GCC2: variants seen among roughly 807,000 people sequenced by gnomAD.
The protein encoded by GCC2 is GRIP and coiled-coil domain containing 2.
A neutral mutation model predicts 210.6 loss-of-function variants in GCC2; 120 were observed. The ratio of observed to expected loss-of-function variants is 0.57; its 90% CI spans 0.49 to 0.66. GCC2 has a LOEUF of 0.66. Among genes scored for constraint, GCC2 ranks in the 30% least tolerant of loss-of-function variants. GCC2 has a pLI of 0.00. For synonymous variants in GCC2, 703 were observed against 652.7 expected, an observed-to-expected ratio of 1.08 and a Z score of -1.17; for missense variants, 1,868 against 1,871.9, an observed-to-expected ratio of 1.00 and a Z score of 0.04.
chr2:108,471,925 A>T lies in GCC2; in HGVS notation c.2596A>T (p.Asn866Tyr), dbSNP rs567813236. ...ALQSDLLEMK[N>Y]ANEKTRLENQ... Reference sequence around the variant, plus strand: ...GCAGTCTGATCTTCTAGAAATGAAGAATGCTAATGAAAAAACAAGGCTTGA... The same window carrying T: ...GCAGTCTGATCTTCTAGAAATGAAGTATGCTAATGAAAAAACAAGGCTTGA... The change falls in exon 6 of 23, where the codon AAT (asparagine) becomes TAT (tyrosine). Residue 866 changes from asparagine (N) to tyrosine (Y), a missense_variant. Asn to Tyr is a moderately radical substitution (Grantham distance 143). Transcript: ENST00000309863. The T allele has an allele frequency of 6.2e-7, 1 of 1,601,682 alleles. No individual in the cohort carries two copies. The highest frequency in any genetic ancestry group is 1.8e-5 in the Admixed American group (1 of 56,720).
At chr2:108,451,913 G>A (rs1205154024) in intron 3 of GCC2, among the ~76,000 whole-genome samples, 3 of 146,864 alleles carry the variant, frequency 2.0e-5, no homozygotes, top group South Asian at 2.1e-4. Flanking sequence ...GCGCAATCTC[G>A]GCTTACTGCA....
intron 9 of GCC2, among the ~76,000 whole-genome samples, chr2:108,477,282 A>AAG (rs1681592418): frequency 6.6e-6 from 1 of 152,212 alleles, no homozygotes; most frequent in African/African-American, 2.4e-5. Flanking sequence ...GAAGAGATAG[A>AAG]TACTTCTGCA....
chr2:108,487,160 A>G (rs1320821914), intron 16 of GCC2, among the ~76,000 whole-genome samples: 1 of 152,220 alleles, frequency 6.6e-6, no homozygotes, highest in Non-Finnish European at 1.5e-5. Context: ...TGAAAACTGA[A>G]GTTCAAATAA....
chr2:108,484,312 G>T lies in GCC2; in HGVS notation c.3613+1G>T. ...CAAGAAACCCTACAAGAAGAAATAA[G>T]TGAGTTAAAGAAAATTCACTTTACT... On this transcript the variant is annotated splice_donor_variant, in intron 13 of 22. Coordinates refer to ENST00000309863, the MANE Select transcript of GCC2 (RefSeq NM_181453.4). LOFTEE classifies it high-confidence loss of function. The T allele has an allele frequency of 1.4e-6, 2 of 1,451,998 alleles. No individual in the cohort carries two copies. Among genetic ancestry groups the T allele is most frequent in the Non-Finnish European group, 9.3e-7 (1 of 1,071,678 alleles). The allele number at this position is 1,451,998 out of a possible 1,614,324, so 89.9% of individuals were successfully genotyped here.
intron 4 of GCC2, among the ~76,000 whole-genome samples, chr2:108,465,625 GAAT>G (rs1166660077): frequency 2.6e-5 from 4 of 152,090 alleles, no homozygotes; most frequent in Non-Finnish European, 5.9e-5. Context: ...ACTTCACTTA[GAAT>G]AATGGCCTCT....
chr2:108,482,219 C>T, intron 10 of GCC2, 68 bp from the exon 11 acceptor site: 3 of 846,156 alleles, frequency 3.5e-6, no homozygotes, highest in East Asian at 2.5e-5. Context: ...ATTAATGTAC[C>T]TGTTCATTCT....
chr2:108,483,197 G>A lies in GCC2; in HGVS notation c.3450+31G>A, dbSNP rs763821721. 6 of 1,011,200 alleles carry A rather than the reference G, an allele frequency of 5.9e-6. No individual in the cohort carries two copies. The Admixed American group carries it at 9.0e-5, about 15-fold the overall frequency. The allele number at this position is 1,011,200 out of a possible 1,614,324, so 62.6% of individuals were successfully genotyped here. ...ATAAAACACTAGGATCAAAATTGAT[G>A]TAATATTCACATTGTTCTGTTTTGT... On this transcript the variant is annotated intron_variant, in intron 12 of 22. Transcript: ENST00000309863.
intron 4 of GCC2, among the ~76,000 whole-genome samples, chr2:108,459,780 C>CTTTTTTTTTTTTTTTTTTTTTTGTT (rs1390752121): frequency 2.6e-5 from 1 of 38,686 alleles, no homozygotes; most frequent in Non-Finnish European, 5.0e-5. Context: ...TTTTTTTTTA[C>CTTTTTTTTTTTTTTTTTTTTTTGTT]TATTTTTGAC....
Position 108,471,068 on chromosome 2 carries a change from C to A in GCC2, c.1739C>A (p.Thr580Asn), listed in dbSNP as rs1222504208. 6 of 1,581,212 alleles carry A rather than the reference C, an allele frequency of 3.8e-6. No homozygotes were observed. Among genetic ancestry groups the A allele is most frequent in the African/African-American group, 1.4e-5 (1 of 73,804 alleles). Residue 580 changes from threonine to asparagine, a missense_variant, in exon 6 of 23, where the codon ACC (threonine) becomes AAC (asparagine). Physicochemically the swap from Thr to Asn is moderately conservative, Grantham distance 65. Coordinates refer to ENST00000309863, the MANE Select transcript of GCC2 (RefSeq NM_181453.4). ...TTACTTAGTCTCAGTCAAAGAGATACCATGTTAAAAGAATTAGAAGGAAAG... is the reference window on the plus strand; with the variant it reads ...TTACTTAGTCTCAGTCAAAGAGATAACATGTTAAAAGAATTAGAAGGAAAG... The part of the protein sequence containing the change: ...VYLLSLSQRD[T>N]MLKELEGKIN...
At chr2:108,496,328 A>T (rs1471854080) in intron 20 of GCC2, 1 of 152,828 alleles carries the variant, frequency 6.5e-6, no homozygotes. Flanking sequence ...GGAATCTGTC[A>T]TCTCCCTGAA....
In GCC2 at chr2:108,492,768, T is replaced by C. The variant is rs1274345577; in HGVS notation, c.4425T>C (p.Leu1475=). The C allele has an allele frequency of 6.2e-7, 1 of 1,612,840 alleles. No individual in the cohort carries two copies. The highest frequency in any genetic ancestry group is 1.1e-5 in the South Asian group (1 of 91,072). ...AGATGGAAGCACAGCTCTTCCAGCTTAAGAATGAACCGACCACAAGAAGTA... is the reference window on the plus strand; with the variant it reads ...AGATGGAAGCACAGCTCTTCCAGCTCAAGAATGAACCGACCACAAGAAGTA... ...LSKMEAQLFQ[L]KNEPTTRSPV... The change falls in exon 19 of 23, where the codon CTT becomes CTC. Residue 1475 remains leucine (L), a synonymous_variant. Coordinates refer to ENST00000309863, the MANE Select transcript of GCC2 (RefSeq NM_181453.4).
At chr2:108,453,483 G>A (rs938498280) in intron 4 of GCC2, among the ~76,000 whole-genome samples, 6 of 151,798 alleles carry the variant, frequency 4.0e-5, no homozygotes, top group South Asian at 4.2e-4. Context: ...TTTATTCCCC[G>A]TTTAAAAACC....
At chr2:108,498,862 G>A (rs913054651) in intron 21 of GCC2, among the ~76,000 whole-genome samples, 4 of 151,422 alleles carry the variant, frequency 2.6e-5, no homozygotes, top group South Asian at 2.1e-4. Flanking sequence ...GGAGGCTGCC[G>A]ATGTTCCCCT....
At chr2:108,461,897 A>G (rs1030608036) in intron 4 of GCC2, among the ~76,000 whole-genome samples, 7 of 126,958 alleles carry the variant, frequency 5.5e-5, no homozygotes, top group Non-Finnish European at 9.4e-5. Flanking sequence ...GCAGTGGCCT[A>G]TCTCGGCTCA....
Position 108,449,228 on chromosome 2 carries a change from G to A in GCC2, c.-47G>A. The A allele has an allele frequency of 6.5e-7, 1 of 1,542,324 alleles. No homozygotes were observed. On this transcript the variant is annotated 5_prime_UTR_variant, in exon 1 of 23. Coordinates refer to ENST00000309863, the MANE Select transcript of GCC2 (RefSeq NM_181453.4). ...GTCAGAGGCTGGCGCAAACAGAAGTGCAGCGGTGGCGGCGGCTGGTTGCGG... is the reference window on the plus strand; with the variant it reads ...GTCAGAGGCTGGCGCAAACAGAAGTACAGCGGTGGCGGCGGCTGGTTGCGG...
At chr2:108,460,652 G>A (rs181550236) in intron 4 of GCC2, among the ~76,000 whole-genome samples, 18 of 152,218 alleles carry the variant, frequency 1.2e-4, no homozygotes, top group African/African-American at 2.9e-4. Flanking sequence ...GCTTTTGCTC[G>A]TCTGGAGAAG....
chr2:108,493,332 C>T (rs1204310573), intron 19 of GCC2: 1 of 770,746 alleles, frequency 1.3e-6, no homozygotes, highest in Non-Finnish European at 1.6e-6. Context: ...TCGTGATCCA[C>T]CCGCCTCGGC....
At chr2:108,490,171 C>T (rs1280141139) in intron 18 of GCC2, 157 bp downstream of exon 18, 11 of 470,156 alleles carry the variant, frequency 2.3e-5, no homozygotes, top group South Asian at 1.5e-4. Flanking sequence ...CTTAGAGCTT[C>T]GCCTTTTACA....
chr2:108,452,301 C>A, intron 3 of GCC2, 98 bp from the exon 4 acceptor site: 1 of 744,014 alleles, frequency 1.3e-6, no homozygotes, highest in Non-Finnish European at 2.4e-6. Flanking sequence ...TTCTAATTTG[C>A]AGATTTATGG....
Sources: allele counts gnomAD v4.1 joint callset (sites outside exome capture counted in the v4.1 genomes callset), GRCh38; gene constraint gnomAD v4.1.1; transcripts MANE v1.5; gene names NCBI Gene and HGNC (gene_info 2026-07-23, HGNC 2026-07-21).